The following PCDH9 variants were observed in gnomAD, a reference collection of about 807,000 sequenced individuals.
PCDH9 encodes protocadherin 9.
A neutral mutation model predicts 70.6 loss-of-function variants in PCDH9; 24 were observed. That is an observed-to-expected ratio of 0.34 (90% CI 0.25 to 0.48). The LOEUF is 0.48. PCDH9 is among the 20% of genes least tolerant of loss of function. The pLI, the probability that PCDH9 is intolerant of heterozygous loss-of-function variation, is 0.99. For missense variants in PCDH9, 1,281 were observed against 1,503.6 expected, an observed-to-expected ratio of 0.85 and a Z score of 2.45; for synonymous variants, 562 against 558.5, an observed-to-expected ratio of 1.01 and a Z score of -0.09.
At chr13:66,380,780 T>C (rs1956834765) in intron 4 of PCDH9, among the ~76,000 whole-genome samples, 1 of 152,104 alleles carries the variant, frequency 6.6e-6, no homozygotes, top group Admixed American at 6.5e-5. Flanking sequence ...CCTGACCTCG[T>C]GATCCACCCG....
intron 2 of PCDH9, among the ~76,000 whole-genome samples, chr13:67,039,555 C>T (rs923084989): frequency 7.2e-5 from 11 of 152,140 alleles, no homozygotes; most frequent in African/African-American, 2.7e-4. Flanking sequence ...TCACAATACA[C>T]CTTTCTCACT....
At chr13:66,979,738 G>C (rs1390379846) in intron 2 of PCDH9, among the ~76,000 whole-genome samples, 2 of 152,030 alleles carry the variant, frequency 1.3e-5, no homozygotes, top group African/African-American at 4.8e-5. Flanking sequence ...ACATTTCTAA[G>C]ACCACCAATA....
intron 2 of PCDH9, among the ~76,000 whole-genome samples, chr13:67,173,961 A>T (rs1416081185): frequency 1.3e-5 from 2 of 152,176 alleles, no homozygotes; most frequent in African/African-American, 4.8e-5. Flanking sequence ...GAAAGTATCC[A>T]TGAAGAGGGG....
At chr13:66,789,788 G>A (rs1282892148) in intron 3 of PCDH9, among the ~76,000 whole-genome samples, 1 of 152,050 alleles carries the variant, frequency 6.6e-6, no homozygotes, top group African/African-American at 2.4e-5. Context: ...AGCTCCATAA[G>A]AATAGAATTT....
chr13:66,452,693 G>GTACTTTCT (rs1958238067), intron 4 of PCDH9, among the ~76,000 whole-genome samples: 1 of 151,972 alleles, frequency 6.6e-6, no homozygotes, highest in African/African-American at 2.4e-5. Flanking sequence ...CAAAGTAATT[G>GTACTTTCT]CAAATAAGAG....
intron 2 of PCDH9, among the ~76,000 whole-genome samples, chr13:67,014,752 T>A (rs147554307): frequency 2.0e-5 from 3 of 151,950 alleles, no homozygotes; most frequent in African/African-American, 7.2e-5. Context: ...CCTCCTATGA[T>A]CTTATTCTCC....
intron 3 of PCDH9, among the ~76,000 whole-genome samples, chr13:66,796,919 G>T (rs1313137890): frequency 6.6e-6 from 1 of 152,078 alleles, no homozygotes; most frequent in East Asian, 1.9e-4. Context: ...TGTGGCAGAT[G>T]AAGACTTTAA....
At chr13:66,734,893 CA>C (rs1327390196) in intron 3 of PCDH9, among the ~76,000 whole-genome samples, 1 of 152,134 alleles carries the variant, frequency 6.6e-6, no homozygotes, top group Non-Finnish European at 1.5e-5. Context: ...ATCCCATGCT[CA>C]AAACTACTAC....
chr13:67,059,354 T>A (rs111625225), intron 2 of PCDH9, among the ~76,000 whole-genome samples: 1 of 122,852 alleles, frequency 8.1e-6, no homozygotes, highest in Non-Finnish European at 1.7e-5. Context: ...ATATATATAT[T>A]ATATATATAT....
At chr13:66,415,938 A>G (rs768870796) in intron 4 of PCDH9, among the ~76,000 whole-genome samples, 24 of 152,180 alleles carry the variant, frequency 1.6e-4, no homozygotes, top group Non-Finnish European at 3.2e-4. Context: ...GAAAAGACAT[A>G]GTGTCTTAAC....
At chr13:67,015,135 C>T (rs952729053) in intron 2 of PCDH9, among the ~76,000 whole-genome samples, 3 of 152,014 alleles carry the variant, frequency 2.0e-5, no homozygotes, top group African/African-American at 7.2e-5. Context: ...CCTCATTTAC[C>T]ACCTTTTCCC....
chr13:66,472,356 G>C (rs1205251255), intron 4 of PCDH9, among the ~76,000 whole-genome samples: 1 of 148,966 alleles, frequency 6.7e-6, no homozygotes, highest in Non-Finnish European at 1.5e-5. Context: ...GATCACTTGA[G>C]CAGAGGAGTT....
At chr13:66,912,346 A>T (rs1250555789) in intron 2 of PCDH9, among the ~76,000 whole-genome samples, 2 of 152,160 alleles carry the variant, frequency 1.3e-5, no homozygotes, top group Non-Finnish European at 2.9e-5. Context: ...TACATACTGA[A>T]ACTGACTTGT....
At chr13:66,323,314 C>T (rs1955787948) in intron 4 of PCDH9, 1 of 151,986 alleles carries the variant, frequency 6.6e-6, no homozygotes, top group Non-Finnish European at 1.5e-5. Flanking sequence ...GAACTATTAT[C>T]ACATTTTAAG....
At chr13:66,543,974 C>A (rs547443022) in intron 4 of PCDH9, among the ~76,000 whole-genome samples, 1 of 152,244 alleles carries the variant, frequency 6.6e-6, no homozygotes, top group African/African-American at 2.4e-5. Flanking sequence ...CTGAACAGCT[C>A]CTTACTGCCC....
intron 2 of PCDH9, among the ~76,000 whole-genome samples, chr13:67,131,435 C>T (rs2087109244): frequency 6.6e-6 from 1 of 152,106 alleles, no homozygotes; most frequent in African/African-American, 2.4e-5. Flanking sequence ...TAACCAACAT[C>T]TTTCCTAAAC....
intron 1 of PCDH9, among the ~76,000 whole-genome samples, chr13:67,229,505 A>G (rs1318881677): frequency 1.3e-5 from 2 of 152,246 alleles, no homozygotes; most frequent in African/African-American, 2.4e-5. Flanking sequence ...GCTTCTGCTT[A>G]GATAACTGCA....
At chr13:66,316,686 A>T (rs888825406) in intron 4 of PCDH9, among the ~76,000 whole-genome samples, 1 of 152,120 alleles carries the variant, frequency 6.6e-6, no homozygotes, top group African/African-American at 2.4e-5. Flanking sequence ...ACCACCTTTA[A>T]AAATAATGAT....
intron 4 of PCDH9, among the ~76,000 whole-genome samples, chr13:66,563,419 C>G (rs952778828): frequency 3.3e-5 from 5 of 152,138 alleles, no homozygotes; most frequent in Non-Finnish European, 7.4e-5. Flanking sequence ...GTCAAAACCA[C>G]CCTACATACA....
Sources: allele counts gnomAD v4.1 joint callset (sites outside exome capture counted in the v4.1 genomes callset), GRCh38; gene constraint gnomAD v4.1.1; transcripts MANE v1.5; gene names NCBI Gene and HGNC (gene_info 2026-07-23, HGNC 2026-07-21).